The following COL27A1 variants were observed in gnomAD, a reference collection of about 807,000 sequenced individuals.
COL27A1 encodes the protein collagen alpha-1(XXVII) chain.
A neutral mutation model predicts 251.3 loss-of-function variants in COL27A1; 106 were observed. The observed-to-expected ratio is 0.42, with a 90% CI of 0.36 to 0.50. The LOEUF is 0.50. Ranked by LOEUF, COL27A1 falls within the 20% of genes least tolerant of loss-of-function variation. COL27A1 has a pLI of 0.00. For missense variants in COL27A1, 2,325 were observed against 2,522.8 expected (o/e 0.92, Z 1.68); for synonymous variants, 1,000 against 986.3 (o/e 1.01, Z -0.26).
At chr9:114,163,319 C>T (rs1201041234) in intron 2 of COL27A1, among the ~76,000 whole-genome samples, 1 of 151,912 alleles carries the variant, frequency 6.6e-6, no homozygotes. Flanking sequence ...TCTTGTGTTC[C>T]TTTCTGGGGC....
chr9:114,307,624 C>T lies in COL27A1; in HGVS notation c.5108-45C>T, dbSNP rs768912685. 2.0e-5 allele frequency: 27 copies of T among 1,344,838 alleles called. No individual in the cohort carries two copies. The South Asian group carries it at 2.9e-4, about 15-fold the overall frequency. The allele number at this position is 1,344,838 out of a possible 1,614,324, so 83.3% of individuals were successfully genotyped here. ...CATCTACAGAACCAAGGAATGGGCT[C>T]ATCCCCCAGATACATACATCACCTC... is the stretch of plus-strand genomic sequence containing the variant. On this transcript the variant is annotated intron_variant, in intron 58 of 60. Transcript: ENST00000356083.
At chr9:114,165,059 T>C (rs927200690) in intron 2 of COL27A1, among the ~76,000 whole-genome samples, 10 of 152,198 alleles carry the variant, frequency 6.6e-5, no homozygotes, top group African/African-American at 2.2e-4. Flanking sequence ...TTACTCAATG[T>C]GGGGCTTGGG....
rs41306500 is a variant in COL27A1 at position 114,183,101 on chromosome 9, A to G, written c.2016+26A>G. ...GTGAGTATTTGCTGGAGATGTGGCC[A>G]TGGAGTGGGTGCTGGGGTTGGAGCC... On this transcript the variant is annotated intron_variant, in intron 5 of 60. Coordinates refer to ENST00000356083, the MANE Select transcript of COL27A1 (RefSeq NM_032888.4). 290,144 of 1,605,192 alleles carry G rather than the reference A, an allele frequency of 0.18. 27,278 individuals carry two copies. The highest frequency in any genetic ancestry group is 0.25 in the Middle Eastern group (1,228 of 4,928).
At chr9:114,249,348 T>C (rs535733559) in intron 24 of COL27A1, among the ~76,000 whole-genome samples, 1 of 152,360 alleles carries the variant, frequency 6.6e-6, no homozygotes, top group East Asian at 1.9e-4. Flanking sequence ...TCTTACCTTA[T>C]ACTTCAGAAA....
At chr9:114,268,592 C>T (rs1834902180) in intron 34 of COL27A1, among the ~76,000 whole-genome samples, 1 of 152,202 alleles carries the variant, frequency 6.6e-6, no homozygotes, top group Non-Finnish European at 1.5e-5. Flanking sequence ...AGGTTCGGAT[C>T]ATGAATCTGT....
At chr9:114,194,549 C>T in intron 6 of COL27A1, 92 bp downstream of exon 6, 2 of 1,137,970 alleles carry the variant, frequency 1.8e-6, no homozygotes, top group South Asian at 2.7e-5. Context: ...TGCCAGAGGC[C>T]ATGCATGGCA....
intron 19 of COL27A1, 97 bp downstream of exon 19, chr9:114,237,812 G>C (rs1197604235): frequency 1.0e-6 from 1 of 956,782 alleles, no homozygotes; most frequent in African/African-American, 1.6e-5. Context: ...ACTTGCTTTA[G>C]GTCACACAGG....
rs1182292793 is a variant in COL27A1, at chr9:114,311,324, G to A, written c.*629G>A. ...CTGGTGCTCACAATTGTCTCTCACA[G>A]TGTATGTGATTTTTTTAAGGAAAAA... On this transcript the variant is annotated 3_prime_UTR_variant, in exon 61 of 61. Transcript: ENST00000356083. The A allele has an allele frequency of 2.1e-5, 3 of 141,808 alleles. No individual in the cohort carries two copies. Among genetic ancestry groups the A allele is most frequent in the East Asian group, 2.1e-4 (1 of 4,864 alleles). 8.8% of individuals were successfully genotyped at this position (141,808 alleles called of 1,614,324 possible).
At position 114,283,979 on chromosome 9, in the gene COL27A1, C is replaced by T. The variant is rs543534592; in HGVS notation, c.3933+217C>T. 7.9e-5 allele frequency among the ~76,000 whole-genome samples: 12 copies of T among 152,300 alleles called. No homozygotes were observed. In the South Asian group the frequency reaches 8.3e-4, roughly 11 times the overall value. Reference sequence around the variant, plus strand: ...ACAGGTGTGGTTGGGGCTGCCAGAGCGAAATGTGCCACCCCAAGCCTTCTT... The same window carrying T: ...ACAGGTGTGGTTGGGGCTGCCAGAGTGAAATGTGCCACCCCAAGCCTTCTT... On this transcript the variant is annotated intron_variant, in intron 40 of 60. Transcript: ENST00000356083.
intron 2 of COL27A1, among the ~76,000 whole-genome samples, chr9:114,166,249 A>T (rs941843083): frequency 6.8e-6 from 1 of 146,716 alleles, no homozygotes; most frequent in African/African-American, 2.6e-5. Flanking sequence ...TTATCCATCC[A>T]TCCATCTGTC....
chr9:114,247,444 C>G (rs1439517031), intron 24 of COL27A1, among the ~76,000 whole-genome samples: 1 of 152,350 alleles, frequency 6.6e-6, no homozygotes, highest in East Asian at 1.9e-4. Context: ...GATATACCCT[C>G]TGAGTTCCAT....
intron 2 of COL27A1, among the ~76,000 whole-genome samples, chr9:114,166,368 A>ATCCATCC (rs1554786336): frequency 2.7e-5 from 1 of 37,074 alleles, no homozygotes. Flanking sequence ...TCCATCCATC[A>ATCCATCC]ATCCATCCAT....
chr9:114,265,326 A>T, intron 31 of COL27A1, 96 bp from the exon 32 acceptor site: 1 of 1,315,554 alleles, frequency 7.6e-7, no homozygotes, highest in Non-Finnish European at 1.1e-6. Context: ...GTGTGGGAGG[A>T]GGGGACCCAA....
intron 16 of COL27A1, among the ~76,000 whole-genome samples, chr9:114,232,753 T>G (rs1403590901): frequency 6.6e-6 from 1 of 152,132 alleles, no homozygotes. Flanking sequence ...ATCCACCCAT[T>G]AATCCTCCTA....
At chr9:114,165,852 A>ATCCC (rs1452756777) in intron 2 of COL27A1, among the ~76,000 whole-genome samples, 1 of 150,162 alleles carries the variant, frequency 6.7e-6, no homozygotes, top group African/African-American at 2.5e-5. Context: ...CCATCCATCC[A>ATCCC]TCCATCCATC....
At chr9:114,268,992 A>G (rs373946558) in intron 34 of COL27A1, 1 of 378,908 alleles carries the variant, frequency 2.6e-6, no homozygotes, top group East Asian at 3.5e-5. Flanking sequence ...TTAGTTATTA[A>G]TAGGATGATG....
rs1161081642 is a variant in COL27A1, at chr9:114,168,509, C to A, written c.954C>A (p.Ala318=). ...AGCATATGGCGGTGGGAGGCCCAGC[C>A]CAAACCCCGCTGCTACCTGCCAAGC... ...PHQHMAVGGP[A]QTPLLPAKLS... is the part of the protein sequence containing the mutation. The change falls in exon 3 of 61, where the codon GCC becomes GCA. Residue 318 remains alanine, a synonymous_variant. Transcript: ENST00000356083. 1 of 1,613,880 alleles carries A rather than the reference C, an allele frequency of 6.2e-7. No individual in the cohort carries two copies. Among genetic ancestry groups the A allele is most frequent in the South Asian group, 1.1e-5 (1 of 91,070 alleles).
intron 27 of COL27A1, among the ~76,000 whole-genome samples, chr9:114,258,112 A>G (rs1025992353): frequency 1.3e-5 from 2 of 152,188 alleles, no homozygotes; most frequent in Admixed American, 6.5e-5. Flanking sequence ...CGGGGGGATC[A>G]CTTGAGCCCG....
chr9:114,300,219 A>T, intron 50 of COL27A1, 96 bp downstream of exon 50: 1 of 1,318,646 alleles, frequency 7.6e-7, no homozygotes. Flanking sequence ...GAGCACTGAA[A>T]ACATTGGCTG....
Sources: allele counts gnomAD v4.1 joint callset (sites outside exome capture counted in the v4.1 genomes callset), GRCh38; gene constraint gnomAD v4.1.1; transcripts MANE v1.5; gene names NCBI Gene and HGNC (gene_info 2026-07-23, HGNC 2026-07-21).